The following ANKS1B variants were observed in gnomAD, a reference collection of about 807,000 sequenced individuals.
The protein encoded by ANKS1B is ankyrin repeat and sterile alpha motif domain containing 1B.
A neutral mutation model predicts 148.3 loss-of-function variants in ANKS1B; 36 were observed. That is an observed-to-expected ratio of 0.24 (90% CI 0.19 to 0.32). ANKS1B has a LOEUF of 0.32. ANKS1B is among the 10% of genes least tolerant of loss of function. ANKS1B has a pLI of 1.00. For synonymous variants in ANKS1B, 542 were observed against 560.8 expected, an observed-to-expected ratio of 0.97 and a Z score of 0.47; for missense variants, 1,157 against 1,542.6, an observed-to-expected ratio of 0.75 and a Z score of 4.19.
intron 9 of ANKS1B, among the ~76,000 whole-genome samples, chr12:99,512,977 G>A (rs2096781593): frequency 6.6e-6 from 1 of 151,804 alleles, no homozygotes; most frequent in Non-Finnish European, 1.5e-5. Context: ...AGGCTGATCT[G>A]TGCAGCAAAC....
intron 8 of ANKS1B, among the ~76,000 whole-genome samples, chr12:99,722,558 C>A (rs2058190554): frequency 6.6e-6 from 1 of 152,192 alleles, no homozygotes; most frequent in Non-Finnish European, 1.5e-5. Context: ...AGATTCCTTT[C>A]AAATTATTAT....
chr12:99,559,645 T>C (rs895422930), intron 9 of ANKS1B, among the ~76,000 whole-genome samples: 10 of 152,184 alleles, frequency 6.6e-5, no homozygotes, highest in Admixed American at 6.5e-4. Context: ...TTCAATGAGG[T>C]AGGTTTTATT....
rs565088181 is a variant in ANKS1B, at chr12:99,742,644, C to T, written c.1128+30278G>A. Among the ~76,000 whole-genome samples the T allele has an allele frequency of 5.9e-5, 9 of 151,856 alleles. No individual in the cohort carries two copies. The South Asian group carries it at 1.9e-3, about 32-fold the overall frequency. ...GGTCAGGAGTTCGAGACCAGCCTGA[C>T]CAACACGGTGAAACCCCGTCTCTAC... is the stretch of plus-strand genomic sequence containing the variant. On this transcript the variant is annotated intron_variant, in intron 8 of 26. Coordinates refer to ENST00000683438, the MANE Select transcript of ANKS1B (RefSeq NM_001352186.2).
At chr12:99,647,526 T>G (rs935914104) in intron 9 of ANKS1B, among the ~76,000 whole-genome samples, 12 of 152,232 alleles carry the variant, frequency 7.9e-5, no homozygotes, top group African/African-American at 2.9e-4. Flanking sequence ...CCTCTAACCC[T>G]TTTGAAAGCA....
chr12:99,231,701 G>A (rs1483023680), intron 14 of ANKS1B, among the ~76,000 whole-genome samples: 1 of 151,926 alleles, frequency 6.6e-6, no homozygotes, highest in Non-Finnish European at 1.5e-5. Flanking sequence ...TTGCCACTTA[G>A]GAGGATAGCT....
intron 9 of ANKS1B, among the ~76,000 whole-genome samples, chr12:99,505,788 T>C (rs1205189624): frequency 1.3e-5 from 2 of 151,862 alleles, no homozygotes; most frequent in Non-Finnish European, 2.9e-5. Context: ...TTATTTTTGC[T>C]ACAGATCCTC....
chr12:99,274,333 ATC>A (rs2077424371), intron 12 of ANKS1B, among the ~76,000 whole-genome samples: 1 of 152,060 alleles, frequency 6.6e-6, no homozygotes, highest in Non-Finnish European at 1.5e-5. Context: ...TCTTTTACTT[ATC>A]TCTGTTTTCT....
At position 98,782,268 on chromosome 12, in the gene ANKS1B, A is replaced by G. The variant is rs191484811; in HGVS notation, c.3343-131T>C. 5 of 766,810 alleles carry G rather than the reference A, an allele frequency of 6.5e-6. No individual in the cohort carries two copies. In the Admixed American group the frequency reaches 9.4e-5, roughly 14 times the overall value. 47.5% of individuals were successfully genotyped at this position (766,810 alleles called of 1,614,324 possible). A position where few individuals can be genotyped will look rare whatever the true frequency, so the allele number is the denominator to read the frequency against. ...CATTAAAAAACAAAAGATGCCACAA[A>G]AGAACAGGCTTCAGAGTCATCAAAG... On this transcript the variant is annotated intron_variant, in intron 22 of 26. Transcript: ENST00000683438.
chr12:99,308,577 C>T (rs1176534830), intron 12 of ANKS1B, among the ~76,000 whole-genome samples: 1 of 151,834 alleles, frequency 6.6e-6, no homozygotes, highest in African/African-American at 2.4e-5. Context: ...AAAGCAAGTT[C>T]TCCCATATTT....
intron 10 of ANKS1B, among the ~76,000 whole-genome samples, chr12:99,455,468 A>G (rs942570205): frequency 1.3e-5 from 2 of 152,224 alleles, no homozygotes; most frequent in African/African-American, 2.4e-5. Flanking sequence ...TTGCCACTGC[A>G]GGCTCTGTGA....
intron 1 of ANKS1B, among the ~76,000 whole-genome samples, chr12:99,941,812 G>T (rs899309565): frequency 2.6e-5 from 4 of 152,140 alleles, no homozygotes; most frequent in Non-Finnish European, 5.9e-5. Flanking sequence ...AATGAAGAAA[G>T]GGAGAAGTCA....
intron 17 of ANKS1B, among the ~76,000 whole-genome samples, chr12:98,980,685 C>T (rs2099908652): frequency 6.6e-6 from 1 of 152,066 alleles, no homozygotes; most frequent in African/African-American, 2.4e-5. Flanking sequence ...TTTTGACTTC[C>T]TTAAAAAATA....
rs1007210495 is a variant in ANKS1B at position 98,866,044 on chromosome 12, T to C, written c.2779-33908A>G. Reference sequence around the variant, plus strand: ...GGGTGTCTCTAGGTTGTTGTTGTTCTTGTTAAGGTACTAAGCCCCTCCCAA... The same window carrying C: ...GGGTGTCTCTAGGTTGTTGTTGTTCCTGTTAAGGTACTAAGCCCCTCCCAA... On this transcript the variant is annotated intron_variant, in intron 17 of 26. Transcript: ENST00000683438. Among the ~76,000 whole-genome samples, 3 of 152,218 alleles carry C rather than the reference T, an allele frequency of 2.0e-5. No homozygotes were observed. In the East Asian group the frequency reaches 5.8e-4, roughly 29 times the overall value.
At chr12:99,057,774 C>T (rs1249003100) in intron 16 of ANKS1B, among the ~76,000 whole-genome samples, 2 of 152,176 alleles carry the variant, frequency 1.3e-5, no homozygotes, top group Non-Finnish European at 2.9e-5. Flanking sequence ...CTGTGTTCTA[C>T]TAATCTTTCA....
intron 1 of ANKS1B, among the ~76,000 whole-genome samples, chr12:99,840,510 T>TA (rs1332500825): frequency 3.9e-5 from 6 of 152,182 alleles, no homozygotes; most frequent in South Asian, 2.1e-4. Context: ...GTTAGGAAAT[T>TA]ACTATAGTAA....
At chr12:99,217,784 G>T (rs1176802219) in intron 14 of ANKS1B, among the ~76,000 whole-genome samples, 2 of 152,144 alleles carry the variant, frequency 1.3e-5, no homozygotes, top group African/African-American at 4.8e-5. Flanking sequence ...CTGTGTAAGT[G>T]TCCCATTTTA....
intron 1 of ANKS1B, among the ~76,000 whole-genome samples, chr12:99,933,762 C>T (rs1737852844): frequency 6.6e-6 from 1 of 152,046 alleles, no homozygotes; most frequent in African/African-American, 2.4e-5. Flanking sequence ...TTAGCTGGGA[C>T]TTGCAGTACC....
intron 8 of ANKS1B, among the ~76,000 whole-genome samples, chr12:99,676,987 A>G (rs1042263091): frequency 4.6e-5 from 7 of 152,228 alleles, no homozygotes; most frequent in African/African-American, 4.8e-5. Context: ...TGAGGTATAT[A>G]TCTTTATTCT....
At chr12:99,454,860 A>T (rs2095819296) in intron 10 of ANKS1B, among the ~76,000 whole-genome samples, 2 of 152,216 alleles carry the variant, frequency 1.3e-5, no homozygotes, top group South Asian at 4.1e-4. Context: ...CTGCACAGTT[A>T]AGAAAATGAA....
Sources: allele counts gnomAD v4.1 joint callset (sites outside exome capture counted in the v4.1 genomes callset), GRCh38; gene constraint gnomAD v4.1.1; transcripts MANE v1.5; gene names NCBI Gene and HGNC (gene_info 2026-07-23, HGNC 2026-07-21).